Variants in DDAH1 observed in about 807,000 individuals in gnomAD.
The protein encoded by DDAH1 is N(G),N(G)-dimethylarginine dimethylaminohydrolase 1.
Under a neutral mutation model 28.8 loss-of-function variants are expected in DDAH1, and 19 were observed. That is an observed-to-expected ratio of 0.66 (90% CI 0.46 to 0.97). DDAH1 has a LOEUF of 0.97. Ranked by LOEUF, DDAH1 falls within the 50% of genes least tolerant of loss-of-function variation. The pLI, the probability that DDAH1 is intolerant of heterozygous loss-of-function variation, is 0.00. For missense variants in DDAH1, 326 were observed against 375.9 expected (o/e 0.87, Z 1.10); for synonymous variants, 153 against 154.4 (o/e 0.99, Z 0.07).
At chr1:85,358,658 C>CA (rs1473909779) in intron 2 of DDAH1, 90 bp downstream of exon 2, 15 of 1,076,024 alleles carry the variant, frequency 1.4e-5, no homozygotes, top group East Asian at 7.6e-5. Flanking sequence ...AAAACAAAAA[C>CA]AAAAAAACAC....
chr1:85,393,709 T>A (rs1651672928), intron 1 of DDAH1, among the ~76,000 whole-genome samples: 1 of 152,226 alleles, frequency 6.6e-6, no homozygotes, highest in South Asian at 2.1e-4. Flanking sequence ...TATGGGGTCT[T>A]AATCTTTGCC....
At chr1:85,407,198 T>A (rs1652447211) in intron 1 of DDAH1, among the ~76,000 whole-genome samples, 1 of 152,176 alleles carries the variant, frequency 6.6e-6, no homozygotes. Context: ...CTGGGTAAAA[T>A]TTTAATTACT....
chr1:85,545,799 G>A (rs1351808798), intron 1 of DDAH1, among the ~76,000 whole-genome samples: 1 of 152,082 alleles, frequency 6.6e-6, no homozygotes, highest in African/African-American at 2.4e-5. Context: ...GGAGGAGGGG[G>A]GAGAAGAAGA....
chr1:85,432,778 G>A (rs35956189), intron 1 of DDAH1, among the ~76,000 whole-genome samples: 42,429 of 151,898 alleles, frequency 0.28, 6,068 homozygotes, highest in Middle Eastern at 0.35. Flanking sequence ...AATATTTAAG[G>A]CATCTAAAAA....
intron 1 of DDAH1, among the ~76,000 whole-genome samples, chr1:85,525,391 G>A (rs1657830081): frequency 1.3e-5 from 2 of 152,102 alleles, no homozygotes; most frequent in African/African-American, 4.8e-5. Flanking sequence ...TCAGTTGATA[G>A]GACATGTCCT....
intron 4 of DDAH1, among the ~76,000 whole-genome samples, chr1:85,326,962 A>ATAAT (rs1477339692): frequency 6.6e-6 from 1 of 152,246 alleles, no homozygotes; most frequent in African/African-American, 2.4e-5. Context: ...ATGCCCAGAA[A>ATAAT]TAATATGAAG....
At chr1:85,524,372 C>A (rs1269974126) in intron 1 of DDAH1, among the ~76,000 whole-genome samples, 1 of 148,314 alleles carries the variant, frequency 6.7e-6, no homozygotes, top group African/African-American at 2.5e-5. Flanking sequence ...TTGAATAGGA[C>A]CTTAAAAAAA....
At chr1:85,354,332 A>G (rs1354882251) in intron 2 of DDAH1, among the ~76,000 whole-genome samples, 1 of 152,048 alleles carries the variant, frequency 6.6e-6, no homozygotes, top group Non-Finnish European at 1.5e-5. Flanking sequence ...ATGGTTAATT[A>G]GATGCTCATT....
chr1:85,426,715 C>T (rs1173653935), intron 1 of DDAH1, among the ~76,000 whole-genome samples: 1 of 151,784 alleles, frequency 6.6e-6, no homozygotes, highest in African/African-American at 2.4e-5. Context: ...CGAGACCAGC[C>T]TGGGCAACAT....
intron 1 of DDAH1, chr1:85,576,791 T>A (rs1659619667): frequency 6.6e-6 from 1 of 152,312 alleles, no homozygotes; most frequent in Non-Finnish European, 1.5e-5. Context: ...CAGGGCGGAC[T>A]TCGGCCCTCA....
chr1:85,332,335 G>C (rs368172513), intron 4 of DDAH1, among the ~76,000 whole-genome samples: 2 of 152,148 alleles, frequency 1.3e-5, no homozygotes, highest in African/African-American at 4.8e-5. Context: ...ACACTGGGGA[G>C]GGTGATCCTG....
chr1:85,387,764 T>G (rs1404998404), intron 1 of DDAH1, among the ~76,000 whole-genome samples: 1 of 152,136 alleles, frequency 6.6e-6, no homozygotes, highest in Non-Finnish European at 1.5e-5. Context: ...CTGTCTATGA[T>G]GCTATAAAGG....
At chr1:85,365,188 G>A (rs934507192) in intron 1 of DDAH1, among the ~76,000 whole-genome samples, 1 of 152,154 alleles carries the variant, frequency 6.6e-6, no homozygotes. Context: ...TAGCAAGTAA[G>A]CAGAGAGCTG....
chr1:85,342,389 T>A (rs1389670377), intron 4 of DDAH1, among the ~76,000 whole-genome samples: 6 of 129,760 alleles, frequency 4.6e-5, no homozygotes, highest in African/African-American at 1.1e-4. Flanking sequence ...TTTCTATGAG[T>A]GTGTGTGTGT....
At position 85,419,362 on chromosome 1, in the gene DDAH1, A is replaced by T. The variant is rs141495542; in HGVS notation, c.303+45381T>A. Among the ~76,000 whole-genome samples the T allele has an allele frequency of 4.6e-3, 702 of 152,016 alleles. 2 individuals carry two copies. Among genetic ancestry groups the T allele is most frequent in the Middle Eastern group, 0.014 (4 of 294 alleles). ...GAGACCACCCTGACCAATATGATGA[A>T]GCCCTGTCTCTACTAAAAACACAAA... is the stretch of plus-strand genomic sequence containing the variant. On this transcript the variant is annotated intron_variant, in intron 1 of 5. Transcript: ENST00000284031.
rs576664876 is a variant in DDAH1 at position 85,339,262 on chromosome 1, G to T, written c.597+11153C>A. Among the ~76,000 whole-genome samples the T allele has an allele frequency of 2.0e-3, 307 of 152,200 alleles. 5 individuals carry two copies. Among genetic ancestry groups the T allele is most frequent in the Middle Eastern group, 3.4e-3 (1 of 294 alleles). ...CTCCTAATTGTTTTTCATTGTTGTT[G>T]TTTTTGGAACCCTATAACGATGAGT... On this transcript the variant is annotated intron_variant, in intron 4 of 5. Transcript: ENST00000284031.
intron 4 of DDAH1, among the ~76,000 whole-genome samples, chr1:85,337,075 T>C (rs1648178821): frequency 6.6e-6 from 1 of 152,304 alleles, no homozygotes; most frequent in East Asian, 1.9e-4. Flanking sequence ...ACATGATATA[T>C]TGCATCAACA....
intron 1 of DDAH1, among the ~76,000 whole-genome samples, chr1:85,409,619 C>T (rs532789977): frequency 1.8e-3 from 272 of 152,168 alleles, no homozygotes; most frequent in African/African-American, 6.3e-3. Context: ...TGCTCTACAC[C>T]GGCTTCAACA....
chr1:85,385,275 G>C (rs114135608), intron 1 of DDAH1, among the ~76,000 whole-genome samples: 2 of 152,270 alleles, frequency 1.3e-5, no homozygotes, highest in African/African-American at 4.8e-5. Flanking sequence ...TTTCTAACTT[G>C]AATCAAAAAC....
Sources: gnomAD v4.1 joint callset for allele counts (sites outside exome capture counted in the v4.1 genomes callset) on GRCh38, gnomAD v4.1.1 for gene constraint, MANE v1.5 for transcripts, NCBI Gene and HGNC (gene_info 2026-07-23, HGNC 2026-07-21) for gene names.